Variants in COG5 observed in about 807,000 individuals in gnomAD.
COG5 encodes conserved oligomeric Golgi complex subunit 5.
A neutral mutation model predicts 110.4 loss-of-function variants in COG5; 86 were observed. That is an observed-to-expected ratio of 0.78 (90% CI 0.65 to 0.93). COG5 has a LOEUF of 0.93. COG5 is among the 40% of genes least tolerant of loss of function. The probability of loss-of-function intolerance (pLI) is 0.00; values close to 1 mark genes in which losing one functional copy is unlikely to be tolerated. For synonymous variants in COG5, 360 were observed against 334.6 expected, an observed-to-expected ratio of 1.08 and a Z score of -0.83; for missense variants, 1,077 against 987.0, an observed-to-expected ratio of 1.09 and a Z score of -1.22.
intron 5 of COG5, among the ~76,000 whole-genome samples, chr7:107,547,702 A>G (rs1383477830): frequency 6.6e-6 from 1 of 152,208 alleles, no homozygotes; most frequent in Non-Finnish European, 1.5e-5. Flanking sequence ...AAATTAACAT[A>G]CAAAAATCAG....
intron 6 of COG5, among the ~76,000 whole-genome samples, chr7:107,467,446 A>G (rs1796360932): frequency 6.6e-6 from 1 of 152,098 alleles, no homozygotes; most frequent in African/African-American, 2.4e-5. Flanking sequence ...AATCTCTGCC[A>G]CCCAGGTTCA....
At chr7:107,507,443 A>AC in intron 6 of COG5, among the ~76,000 whole-genome samples, 1 of 141,482 alleles carries the variant, frequency 7.1e-6, no homozygotes, top group Non-Finnish European at 1.5e-5. Flanking sequence ...ACAGGCACCC[A>AC]CCACCATGCC....
chr7:107,411,720 C>T (rs770107775), intron 7 of COG5, among the ~76,000 whole-genome samples: 1 of 151,962 alleles, frequency 6.6e-6, no homozygotes, highest in Non-Finnish European at 1.5e-5. Context: ...CAAATAAGTA[C>T]CTTCTTGATT....
chr7:107,389,742 A>G (rs1319293480), intron 7 of COG5, among the ~76,000 whole-genome samples: 2 of 152,048 alleles, frequency 1.3e-5, no homozygotes, highest in Non-Finnish European at 1.5e-5. Context: ...CCATTCCCCT[A>G]TGATTTGGGC....
chr7:107,382,965 A>G (rs1815256091), intron 7 of COG5, among the ~76,000 whole-genome samples: 1 of 152,220 alleles, frequency 6.6e-6, no homozygotes, highest in African/African-American at 2.4e-5. Flanking sequence ...GGGATGGGTA[A>G]TGTAAAAATC....
At chr7:107,563,662 C>T (rs1220969468) in intron 1 of COG5, 141 bp downstream of exon 1, 4 of 922,458 alleles carry the variant, frequency 4.3e-6, no homozygotes, top group Non-Finnish European at 7.0e-6. Context: ...GTACCCAAGC[C>T]AGGGGGCCGG....
chr7:107,416,060 A>G (rs1178307676), intron 6 of COG5, among the ~76,000 whole-genome samples: 2 of 151,066 alleles, frequency 1.3e-5, no homozygotes, highest in Non-Finnish European at 3.0e-5. Flanking sequence ...ATTGTAAGTT[A>G]GTAAAAACCA....
intron 6 of COG5, among the ~76,000 whole-genome samples, chr7:107,476,184 TAAAAAAAAAAA>T (rs34741713): frequency 2.3e-5 from 1 of 44,070 alleles, no homozygotes; most frequent in Non-Finnish European, 4.3e-5. Context: ...GCAATGATTT[TAAAAAAAAAAA>T]AAAAAAAAAA....
chr7:107,299,335 G>C (rs1807039163), intron 11 of COG5, among the ~76,000 whole-genome samples: 1 of 151,984 alleles, frequency 6.6e-6, no homozygotes, highest in African/African-American at 2.4e-5. Context: ...GAATAACAGA[G>C]ATGATCTCAT....
At chr7:107,210,260 A>G (rs1799066861) in intron 21 of COG5, 2 of 1,327,428 alleles carry the variant, frequency 1.5e-6, no homozygotes, top group Non-Finnish European at 1.9e-6. Flanking sequence ...AAAGGTACAA[A>G]TGCATGGTCC....
chr7:107,404,359 T>C (rs963461125), intron 7 of COG5, among the ~76,000 whole-genome samples: 1 of 152,220 alleles, frequency 6.6e-6, no homozygotes, highest in African/African-American at 2.4e-5. Context: ...ACTAAGTGCG[T>C]AATCATTCAT....
chr7:107,558,235 A>G, intron 1 of COG5, 120 bp from the exon 2 acceptor site: 2 of 921,870 alleles, frequency 2.2e-6, no homozygotes, highest in South Asian at 2.8e-5. Context: ...GAACCACTCC[A>G]CTATACTGCT....
chr7:107,407,002 T>C (rs912563762), intron 7 of COG5, among the ~76,000 whole-genome samples: 4 of 152,234 alleles, frequency 2.6e-5, no homozygotes, highest in Non-Finnish European at 5.9e-5. Context: ...TATTCATCTT[T>C]ATTCAAGGTT....
intron 10 of COG5, among the ~76,000 whole-genome samples, chr7:107,352,666 T>C (rs1479748601): frequency 9.4e-6 from 1 of 106,652 alleles, no homozygotes; most frequent in East Asian, 2.5e-4. Context: ...CAGTCTTTAA[T>C]GCTATTTTCA....
chr7:107,378,596 G>C (rs1487024460), intron 7 of COG5, among the ~76,000 whole-genome samples: 1 of 152,118 alleles, frequency 6.6e-6, no homozygotes, highest in Non-Finnish European at 1.5e-5. Flanking sequence ...TGATTGAGCT[G>C]AAAAACACAG....
At chr7:107,561,041 GAAAC>G (rs144905817) in intron 1 of COG5, among the ~76,000 whole-genome samples, 1,806 of 151,966 alleles carry the variant, frequency 0.012, 29 homozygotes, top group African/African-American at 0.041. Flanking sequence ...GGGAGAAAGA[GAAAC>G]AAAAAAGAAT....
At chr7:107,498,372 A>G (rs533032768) in intron 6 of COG5, among the ~76,000 whole-genome samples, 2 of 152,310 alleles carry the variant, frequency 1.3e-5, no homozygotes. Flanking sequence ...TTCACAAACC[A>G]TGTATCTGAT....
rs193301327 is a variant in COG5 at position 107,525,339 on chromosome 7, T to C, written c.538+1898A>G. Among the ~76,000 whole-genome samples the C allele has an allele frequency of 1.2e-3, 188 of 152,238 alleles. No individual in the cohort carries two copies. The Middle Eastern group carries it at 0.017, about 14-fold the overall frequency. ...ATCAAAATTTAGCACTTTTTTAATA[T>C]TGAAGGAAAGTCAGTGATGACAAAC... On this transcript the variant is annotated intron_variant, in intron 6 of 21. Coordinates refer to ENST00000297135, the MANE Select transcript of COG5 (RefSeq NM_006348.5).
chr7:107,481,127 T>C (rs1027575800), intron 6 of COG5, among the ~76,000 whole-genome samples: 2 of 152,032 alleles, frequency 1.3e-5, no homozygotes, highest in African/African-American at 4.8e-5. Flanking sequence ...TCAAGTAAGA[T>C]AAGGGAGGTG....
Sources: gnomAD v4.1 joint callset for allele counts (sites outside exome capture counted in the v4.1 genomes callset) on GRCh38, gnomAD v4.1.1 for gene constraint, MANE v1.5 for transcripts, NCBI Gene and HGNC (gene_info 2026-07-23, HGNC 2026-07-21) for gene names.